Variants in FES observed in about 807,000 individuals in gnomAD.
FES encodes the protein FES proto-oncogene, tyrosine kinase.
FES carries 83 observed loss-of-function variants against 109.6 expected under a neutral mutation model. That is an observed-to-expected ratio of 0.76 (90% CI 0.63 to 0.91). The LOEUF (loss-of-function observed/expected upper bound fraction) is 0.91. Among genes scored for constraint, FES ranks in the 40% least tolerant of loss-of-function variants. The pLI, the probability that FES is intolerant of heterozygous loss-of-function variation, is 0.00. For synonymous variants in FES, 458 were observed against 442.1 expected (o/e 1.04, Z -0.45); for missense variants, 943 against 1,070.9 (o/e 0.88, Z 1.67).
Position 90,889,657 on chromosome 15 carries a change from TGG to T in FES, c.926+23_926+24del, listed in dbSNP as rs1567096675. ...CACACGTGGGTGGTGGCTTTGCACC[TGG>T]GCTGCGGCGGGGCTCCCAGCAGACC... is the stretch of plus-strand genomic sequence containing the variant. On this transcript the variant is annotated intron_variant, in intron 7 of 18. Coordinates refer to ENST00000328850, the MANE Select transcript of FES (RefSeq NM_002005.4). This position sits in a 1 kb window ranked among gnomAD's most constrained non-coding sequence, Gnocchi z 6.1. 6.2e-7 allele frequency: 1 copy of T among 1,611,888 alleles called. No homozygotes were observed. The highest frequency in any genetic ancestry group is 1.1e-5 in the South Asian group (1 of 90,922).
intron 18 of FES, among the ~76,000 whole-genome samples, 187 bp from the exon 19 acceptor site, chr15:90,895,229 G>C (rs1429324129): frequency 2.0e-5 from 3 of 152,220 alleles, no homozygotes; most frequent in Non-Finnish European, 4.4e-5. Context: ...AGGGGACACA[G>C]CTAGCACGTG....
chr15:90,885,483 C>T lies in FES; in HGVS notation c.285C>T (p.Asn95=). 6.2e-7 allele frequency: 1 copy of T among 1,613,438 alleles called. No individual in the cohort carries two copies. Among genetic ancestry groups the T allele is most frequent in the Non-Finnish European group, 8.5e-7 (1 of 1,180,036 alleles). ...TGCGGCAGCACGCAGAGGATCTGAA[C>T]TCAGGGCCCCTGAGCAAGCTGAGCC... ...RLLRQHAEDL[N]SGPLSKLSLL... is the part of the protein sequence containing the mutation. Residue 95 remains asparagine (N), a synonymous_variant, in exon 3 of 19, where the codon AAC becomes AAT. Coordinates refer to ENST00000328850, the MANE Select transcript of FES (RefSeq NM_002005.4).
chr15:90,893,243 TG>T (rs780941237), intron 15 of FES, 47 bp from the exon 16 acceptor site: 1 of 1,613,214 alleles, frequency 6.2e-7, no homozygotes, highest in Non-Finnish European at 8.5e-7. Flanking sequence ...CCTGGTCAGG[TG>T]GCAGCCTTAC....
rs1263877042 is a variant in FES at position 90,889,433 on chromosome 15, C to T, written c.796C>T (p.Arg266Ter). 19 of 1,613,918 alleles carry T rather than the reference C, an allele frequency of 1.2e-5. No individual in the cohort carries two copies. Among genetic ancestry groups the T allele is most frequent in the Admixed American group, 5.0e-5 (3 of 60,012 alleles). Residue 266 changes from arginine to a stop codon, truncating the protein, a stop_gained, in exon 6 of 19, where the codon CGA becomes TGA. Transcript: ENST00000328850. LOFTEE classifies it high-confidence loss of function. The surrounding 1 kb of genome is among the most constrained non-coding windows in gnomAD (Gnocchi z 6.1). ...QPEAEYQGFL[R>*]QYGSAPDVPP... ...TGAGGCTGAGTACCAAGGCTTCCTG[C>T]GACAGTATGGGTAAGCCCCGTCCTT...
At chr15:90,886,877 G>A in intron 3 of FES, 84 bp from the exon 4 acceptor site, 1 of 1,321,210 alleles carries the variant, frequency 7.6e-7, no homozygotes, top group Non-Finnish European at 1.1e-6. Context: ...CTGACGACAG[G>A]ACCTTTCCAG....
rs765727998 is a variant in FES at position 90,885,546 on chromosome 15, CAGCG to C, written c.352_355del (p.Glu118SerfsTer20). The C allele has an allele frequency of 2.5e-6, 4 of 1,613,104 alleles. No individual in the cohort carries two copies. Among genetic ancestry groups the C allele is most frequent in the Non-Finnish European group, 2.5e-6 (3 of 1,180,004 alleles). On this transcript the variant is annotated frameshift_variant, in exon 3 of 19. Transcript: ENST00000328850. LOFTEE classifies it high-confidence loss of function. Reference sequence around the variant, plus strand: ...AACGGCAGCAGCTTCGCAAGACCTACAGCGAGCAGTGGCAGCAGCTGCAGCAGGA... The same window carrying C: ...AACGGCAGCAGCTTCGCAAGACCTACAGCAGTGGCAGCAGCTGCAGCAGGA...
chr15:90,894,923 G>A (rs535498654), intron 18 of FES, among the ~76,000 whole-genome samples: 5 of 151,652 alleles, frequency 3.3e-5, no homozygotes, highest in Admixed American at 1.3e-4. Flanking sequence ...AAAAATTAGC[G>A]AGGTGTAGTG....
Position 90,893,099 on chromosome 15 carries a change from G to A in FES, c.1827-1G>A, listed in dbSNP as rs56111451. On this transcript the variant is annotated splice_acceptor_variant, in intron 14 of 18. Transcript: ENST00000328850. LOFTEE classifies it high-confidence loss of function. ...AGATCCTGAGCAGCAGTGCCCTCCA[G>A]GATCCTGAAGCAGTACAGCCACCCC... The A allele has an allele frequency of 6.2e-7, 1 of 1,612,868 alleles. No homozygotes were observed. Among genetic ancestry groups the A allele is most frequent in the Non-Finnish European group, 8.5e-7 (1 of 1,179,700 alleles).
intron 5 of FES, among the ~76,000 whole-genome samples, chr15:90,888,764 A>G (rs917372427): frequency 7.2e-5 from 10 of 139,316 alleles, no homozygotes; most frequent in African/African-American, 3.1e-4. Flanking sequence ...TTATTTATTT[A>G]TTTATTTATT....
In FES at chr15:90,893,958, C is replaced by T. The variant is rs1567104012; in HGVS notation, c.2226C>T (p.Asp742=). 1.7e-5 allele frequency: 28 copies of T among 1,613,660 alleles called. No individual in the cohort carries two copies. The highest frequency in any genetic ancestry group is 2.2e-5 in the East Asian group (1 of 44,894). ...CAGGCCGCTACTCCTCCGAAAGCGACGTGTGGAGCTTTGGCATCTTGCTCT... is the reference window on the plus strand; with the variant it reads ...CAGGCCGCTACTCCTCCGAAAGCGATGTGTGGAGCTTTGGCATCTTGCTCT... ...LNYGRYSSES[D]VWSFGILLWE... The change falls in exon 18 of 19, where the codon GAC becomes GAT. Residue 742 remains aspartate, a synonymous_variant. Coordinates refer to ENST00000328850, the MANE Select transcript of FES (RefSeq NM_002005.4).
chr15:90,886,883 T>A (rs2032687362), intron 3 of FES, 78 bp from the exon 4 acceptor site: 1 of 1,406,324 alleles, frequency 7.1e-7, no homozygotes, highest in South Asian at 1.2e-5. Context: ...ACAGGACCTT[T>A]CCAGGGCTTC....
In FES at chr15:90,885,859, G is replaced by A. The variant is rs573637949; in HGVS notation, c.387+274G>A. ...ACGTGCCTGGGAGAAGCTCAGAATC[G>A]GTACTCGCCTCCACACTGTGCCATC... On this transcript the variant is annotated intron_variant, in intron 3 of 18. Transcript: ENST00000328850. 3.3e-5 allele frequency among the ~76,000 whole-genome samples: 5 copies of A among 152,272 alleles called. No individual in the cohort carries two copies. The South Asian group carries it at 6.2e-4, about 19-fold the overall frequency.
intron 5 of FES, among the ~76,000 whole-genome samples, chr15:90,888,025 G>A (rs4932374): frequency 0.42 from 63,722 of 152,086 alleles, 14,142 homozygotes; most frequent in East Asian, 0.79. Context: ...GGGTGATAGA[G>A]GGTCTAGCAG....
chr15:90,892,982 C>T (rs936957769), intron 14 of FES, 118 bp from the exon 15 acceptor site: 2 of 1,351,088 alleles, frequency 1.5e-6, no homozygotes, highest in Non-Finnish European at 2.1e-6. Flanking sequence ...TAGAGGCTGC[C>T]CCAGGTCACA....
chr15:90,887,687 G>A (rs1281872290), intron 5 of FES, among the ~76,000 whole-genome samples: 1 of 152,162 alleles, frequency 6.6e-6, no homozygotes, highest in Non-Finnish European at 1.5e-5. Flanking sequence ...GATGTGAGGA[G>A]CACTAAGAGC....
At position 90,890,132 on chromosome 15, in the gene FES, C is replaced by T; in HGVS notation, c.1090C>T (p.Leu364=). 1 of 1,582,690 alleles carries T rather than the reference C, an allele frequency of 6.3e-7. No homozygotes were observed. ...CAAGAGGCAAGTGCTGCAAGAAGCA[C>T]TGCAGGGGCTGCAGGTAGCGCTGTG... The part of the protein sequence containing the change: ...LGKRQVLQEA[L]QGLQVALCSQ... Residue 364 remains leucine (L), a synonymous_variant, in exon 9 of 19, where the codon CTG becomes TTG. Coordinates refer to ENST00000328850, the MANE Select transcript of FES (RefSeq NM_002005.4).
At chr15:90,894,739 C>T (rs957524273) in intron 18 of FES, among the ~76,000 whole-genome samples, 2 of 123,920 alleles carry the variant, frequency 1.6e-5, no homozygotes, top group African/African-American at 5.4e-5. Context: ...GCACCCCAAC[C>T]TGGGTGACAG....
Position 90,893,430 on chromosome 15 carries a change from C to CAG in FES, c.2045+16_2045+17insAG. On this transcript the variant is annotated intron_variant, in intron 16 of 18. Transcript: ENST00000328850. ...GCATCCACCGGTGAGTGGGCGGTGG[C>CAG]CACGGGCCCTGCCAACACCCCCGAC... The CAG allele has an allele frequency of 6.5e-7, 1 of 1,528,832 alleles. No homozygotes were observed. The highest frequency in any genetic ancestry group is 8.8e-7 in the Non-Finnish European group (1 of 1,142,570). The allele number at this position is 1,528,832 out of a possible 1,614,324, so 94.7% of individuals were successfully genotyped here. A position where few individuals can be genotyped will look rare whatever the true frequency, so the allele number is the denominator to read the frequency against.
At position 90,890,178 on chromosome 15, in the gene FES, C is replaced by T. The variant is rs889839876; in HGVS notation, c.1136C>T (p.Ala379Val). The stretch of plus-strand genomic sequence containing the variant: ...CTGTGCAGCCAGGCCAAGCTGCAGG[C>T]CCAGCAGGAGTTGCTGCAGACCAAG... ...VALCSQAKLQ[A>V]QQELLQTKLE... Residue 379 changes from alanine to valine, a missense_variant, in exon 9 of 19, where the codon GCC becomes GTC. Ala to Val is a moderately conservative substitution (Grantham distance 64, BLOSUM62 0). Transcript: ENST00000328850. The T allele has an allele frequency of 7.5e-6, 12 of 1,601,230 alleles. No individual in the cohort carries two copies. The highest frequency in any genetic ancestry group is 3.4e-5 in the Admixed American group (2 of 59,570).
Sources: allele counts gnomAD v4.1 joint callset (sites outside exome capture counted in the v4.1 genomes callset), GRCh38; gene constraint gnomAD v4.1.1; non-coding constraint Gnocchi (gnomAD v3.1); transcripts MANE v1.5; gene names NCBI Gene and HGNC (gene_info 2026-07-23, HGNC 2026-07-21).